Variants in GTF2F1 observed in about 807,000 individuals in gnomAD.
The protein encoded by GTF2F1 is general transcription factor IIF subunit 1.
Under a neutral mutation model 63.5 loss-of-function variants are expected in GTF2F1, and 39 were observed. That is an observed-to-expected ratio of 0.61 (90% confidence interval 0.48 to 0.80). The LOEUF (loss-of-function observed/expected upper bound fraction) is 0.80, where lower values mean the gene tolerates loss of function less well. Ranked by LOEUF, GTF2F1 falls within the 30% of genes least tolerant of loss-of-function variation. The pLI, the probability that GTF2F1 is intolerant of heterozygous loss-of-function variation, is 0.00. For missense variants in GTF2F1, 657 were observed against 718.3 expected, an observed-to-expected ratio of 0.91 and a Z score of 0.97; for synonymous variants, 287 against 285.3, an observed-to-expected ratio of 1.01 and a Z score of -0.06.
chr19:6,380,507 A>C lies in GTF2F1; in HGVS notation c.1350-22T>G. Reference sequence around the variant, plus strand: ...GTCGCTGAGGATGGGAGGACGGGGAAGGTGGCATCAGTGAGATTGTCCCCA... The same window carrying C: ...GTCGCTGAGGATGGGAGGACGGGGACGGTGGCATCAGTGAGATTGTCCCCA... On this transcript the variant is annotated intron_variant, in intron 12 of 12. Transcript: ENST00000394456. This position sits in a 1 kb window ranked among gnomAD's most constrained non-coding sequence, Gnocchi z 5.3. 6.2e-7 allele frequency: 1 copy of C among 1,613,274 alleles called. No homozygotes were observed. The highest frequency in any genetic ancestry group is 8.5e-7 in the Non-Finnish European group (1 of 1,179,204).
intron 5 of GTF2F1, among the ~76,000 whole-genome samples, chr19:6,386,344 C>T (rs1164654842): frequency 4.0e-5 from 6 of 151,658 alleles, no homozygotes; most frequent in Middle Eastern, 3.4e-3. Context: ...GCTGAGATTG[C>T]GCCACTGCAG....
At chr19:6,386,031 G>C (rs766892539) in intron 5 of GTF2F1, among the ~76,000 whole-genome samples, 7 of 151,968 alleles carry the variant, frequency 4.6e-5, no homozygotes, top group Admixed American at 3.3e-4. Flanking sequence ...AGCTGAGATC[G>C]CGCCACTGCA....
rs1451214535 is a variant in GTF2F1, at chr19:6,381,645, G to A, written c.837-30C>T. On this transcript the variant is annotated intron_variant, in intron 7 of 12. Transcript: ENST00000394456. The surrounding 1 kb of genome is among the most constrained non-coding windows in gnomAD (Gnocchi z 4.1). ...AAGACGGGGATGGCAAAGGATGAGCGCGCGCTCGCGAGGCTGCATGGGGTC... is the reference window on the plus strand; with the variant it reads ...AAGACGGGGATGGCAAAGGATGAGCACGCGCTCGCGAGGCTGCATGGGGTC... 2.6e-5 allele frequency: 42 copies of A among 1,613,844 alleles called. No homozygotes were observed. The highest frequency in any genetic ancestry group is 4.0e-5 in the African/African-American group (3 of 74,938).
Position 6,387,435 on chromosome 19 carries a change from G to C in GTF2F1, c.451C>G (p.Arg151Gly), listed in dbSNP as rs1209004307. Residue 151 changes from arginine (R) to glycine (G), a missense_variant, in exon 5 of 13, where the codon CGG becomes GGG. By Grantham distance (125) the Arg-to-Gly change is moderately radical. Coordinates refer to ENST00000394456, the MANE Select transcript of GTF2F1 (RefSeq NM_002096.3). ...TCCTCGGCAGTGAGCGTGCGATGCC[G>C]GGCCAGCGGTGTGAAATTGTACCAG... ...HNWYNFTPLA[R>G]HRTLTAEEAE... 2 of 1,614,248 alleles carry C rather than the reference G, an allele frequency of 1.2e-6. No individual in the cohort carries two copies. Among genetic ancestry groups the C allele is most frequent in the African/African-American group, 1.3e-5 (1 of 75,068 alleles).
rs1599211426 is a variant in GTF2F1, at chr19:6,383,606, C to A, written c.498-111G>T. The A allele has an allele frequency of 9.7e-6, 11 of 1,132,496 alleles. 2 individuals carry two copies. Among genetic ancestry groups the A allele is most frequent in the Non-Finnish European group, 1.3e-6 (1 of 789,000 alleles). The allele number at this position is 1,132,496 out of a possible 1,614,324, so 70.2% of individuals were successfully genotyped here. A position where few individuals can be genotyped will look rare whatever the true frequency, so the allele number is the denominator to read the frequency against. On this transcript the variant is annotated intron_variant, in intron 5 of 12. Coordinates refer to ENST00000394456, the MANE Select transcript of GTF2F1 (RefSeq NM_002096.3). The surrounding 1 kb of genome is among the most constrained non-coding windows in gnomAD (Gnocchi z 4.5). ...CCACATAGCCTTCAAGGTGATGTGG[C>A]CCCCGGGGACTTGGGCTGTGGCACA...
chr19:6,381,819 CGCCTTCTTCTTG>C lies in GTF2F1; in HGVS notation c.702_713del (p.Lys235_Ala238del). The C allele has an allele frequency of 6.2e-7, 1 of 1,613,516 alleles. No homozygotes were observed. Among genetic ancestry groups the C allele is most frequent in the Non-Finnish European group, 8.5e-7 (1 of 1,179,972 alleles). On this transcript the variant is annotated inframe_deletion, in exon 7 of 13. Coordinates refer to ENST00000394456, the MANE Select transcript of GTF2F1 (RefSeq NM_002096.3). This position sits in a 1 kb window ranked among gnomAD's most constrained non-coding sequence, Gnocchi z 4.1. ...TTTTCCTGCCGCCCTTGGCCAGCGG[CGCCTTCTTCTTG>C]GCCTTGGGGACTCTGCCCCCTGGGA...
At position 6,384,369 on chromosome 19, in the gene GTF2F1, G is replaced by A. The variant is rs7255128; in HGVS notation, c.498-874C>T. Among the ~76,000 whole-genome samples, 1,203 of 151,972 alleles carry A rather than the reference G, an allele frequency of 7.9e-3. 17 individuals are homozygous for A. Among genetic ancestry groups the A allele is most frequent in the African/African-American group, 0.027 (1,136 of 41,448 alleles). On this transcript the variant is annotated intron_variant, in intron 5 of 12. Transcript: ENST00000394456. Reference sequence around the variant, plus strand: ...CAAAAAATTAAAAAATTAGCCGGGCGTGGTGGCATGTGCCTGTAGTCCTGA... The same window carrying A: ...CAAAAAATTAAAAAATTAGCCGGGCATGGTGGCATGTGCCTGTAGTCCTGA...
chr19:6,380,084 G>A lies in GTF2F1; in HGVS notation c.*197C>T, dbSNP rs2091940478. 3.2e-6 allele frequency: 2 copies of A among 623,722 alleles called. No homozygotes were observed. Among genetic ancestry groups the A allele is most frequent in the Non-Finnish European group, 5.7e-6 (2 of 349,080 alleles). 38.6% of individuals were successfully genotyped at this position (623,722 alleles called of 1,614,324 possible). On this transcript the variant is annotated 3_prime_UTR_variant, in exon 13 of 13. Transcript: ENST00000394456. The surrounding 1 kb of genome is among the most constrained non-coding windows in gnomAD (Gnocchi z 5.3). ...ATTCCAGAAGGAAGGGCCAGAGGAG[G>A]AGATGGCTTAACTTTTCCAGAATTG...
chr19:6,381,066 T>G lies in GTF2F1; in HGVS notation c.1093-24A>C. ...TTCTGCAGAGGTCAGGGTTGGGAGG[T>G]GGGTGAGTCTGCAAACAGACGCCCA... On this transcript the variant is annotated intron_variant, in intron 10 of 12. Coordinates refer to ENST00000394456, the MANE Select transcript of GTF2F1 (RefSeq NM_002096.3). This position sits in a 1 kb window ranked among gnomAD's most constrained non-coding sequence, Gnocchi z 4.1. The G allele has an allele frequency of 6.2e-7, 1 of 1,609,640 alleles. No homozygotes were observed. The highest frequency in any genetic ancestry group is 8.5e-7 in the Non-Finnish European group (1 of 1,178,112).
Position 6,381,235 on chromosome 19 carries a change from C to G in GTF2F1, c.1019-40G>C. The G allele has an allele frequency of 6.3e-7, 1 of 1,579,144 alleles. No homozygotes were observed. The highest frequency in any genetic ancestry group is 8.6e-7 in the Non-Finnish European group (1 of 1,163,586). On this transcript the variant is annotated intron_variant, in intron 9 of 12. Coordinates refer to ENST00000394456, the MANE Select transcript of GTF2F1 (RefSeq NM_002096.3). This position sits in a 1 kb window ranked among gnomAD's most constrained non-coding sequence, Gnocchi z 4.1. ...AAAGGGGTCAGGGCCAGAGCAACCC[C>G]GGGACCCGGTGCCCACTGGTGCCTC...
intron 5 of GTF2F1, among the ~76,000 whole-genome samples, chr19:6,384,170 C>A (rs1303073218): frequency 6.6e-6 from 1 of 151,350 alleles, no homozygotes; most frequent in Non-Finnish European, 1.5e-5. Context: ...TCCATTGGAA[C>A]AATGTAACGT....
At chr19:6,385,744 C>G (rs1055358257) in intron 5 of GTF2F1, among the ~76,000 whole-genome samples, 6 of 152,124 alleles carry the variant, frequency 3.9e-5, no homozygotes, top group Non-Finnish European at 5.9e-5. Context: ...TGGAGCTGAG[C>G]CAACCTATGA....
intron 4 of GTF2F1, among the ~76,000 whole-genome samples, chr19:6,389,190 C>T (rs1191000787): frequency 1.3e-5 from 2 of 151,944 alleles, no homozygotes; most frequent in African/African-American, 2.4e-5. Flanking sequence ...GAGCCAAGAT[C>T]GTGCTACTGC....
At position 6,381,944 on chromosome 19, in the gene GTF2F1, C is replaced by A; in HGVS notation, c.683-94G>T. On this transcript the variant is annotated intron_variant, in intron 6 of 12. Transcript: ENST00000394456. This position sits in a 1 kb window ranked among gnomAD's most constrained non-coding sequence, Gnocchi z 4.1. ...TTCACATTTTGTGCAGTTTTGACAT[C>A]CTGGGGGGCCTCACTGACTGGGGAG... The A allele has an allele frequency of 9.5e-7, 1 of 1,050,072 alleles. No homozygotes were observed. The highest frequency in any genetic ancestry group is 1.4e-6 in the Non-Finnish European group (1 of 719,680). The allele number at this position is 1,050,072 out of a possible 1,614,324, so 65.0% of individuals were successfully genotyped here. A position where few individuals can be genotyped will look rare whatever the true frequency, so the allele number is the denominator to read the frequency against.
At position 6,380,859 on chromosome 19, in the gene GTF2F1, G is replaced by T. The variant is rs2091944584; in HGVS notation, c.1231+45C>A. ...CCTGAGCCCCAACAGAGGTCAGGAG[G>T]CTGTGGCTGTGGCTGTGGGGAGCGG... On this transcript the variant is annotated intron_variant, in intron 11 of 12. Transcript: ENST00000394456. The surrounding 1 kb of genome is among the most constrained non-coding windows in gnomAD (Gnocchi z 5.3). The T allele has an allele frequency of 1.3e-6, 2 of 1,517,832 alleles. No individual in the cohort carries two copies. The highest frequency in any genetic ancestry group is 2.0e-5 in the Admixed American group (1 of 49,434). The allele number at this position is 1,517,832 out of a possible 1,614,324, so 94.0% of individuals were successfully genotyped here.
chr19:6,392,964 C>T lies in GTF2F1; in HGVS notation c.12+20G>A. The T allele has an allele frequency of 6.2e-7, 1 of 1,614,166 alleles. No homozygotes were observed. Among genetic ancestry groups the T allele is most frequent in the South Asian group, 1.1e-5 (1 of 91,086 alleles). Reference sequence around the variant, plus strand: ...GAGGTCGCCGTCGGAACCCCCGAACCCCGCCAAATCCACACTCACTAGGGC... The same window carrying T: ...GAGGTCGCCGTCGGAACCCCCGAACTCCGCCAAATCCACACTCACTAGGGC... On this transcript the variant is annotated intron_variant, in intron 1 of 12. Coordinates refer to ENST00000394456, the MANE Select transcript of GTF2F1 (RefSeq NM_002096.3).
Position 6,384,369 on chromosome 19 carries a change from G to C in GTF2F1, c.498-874C>G, listed in dbSNP as rs7255128. On this transcript the variant is annotated intron_variant, in intron 5 of 12. Coordinates refer to ENST00000394456, the MANE Select transcript of GTF2F1 (RefSeq NM_002096.3). ...CAAAAAATTAAAAAATTAGCCGGGCGTGGTGGCATGTGCCTGTAGTCCTGA... is the reference window on the plus strand; with the variant it reads ...CAAAAAATTAAAAAATTAGCCGGGCCTGGTGGCATGTGCCTGTAGTCCTGA... Among the ~76,000 whole-genome samples, 5 of 151,858 alleles carry C rather than the reference G, an allele frequency of 3.3e-5. No homozygotes were observed. In the South Asian group the frequency reaches 1.0e-3, roughly 32 times the overall value.
chr19:6,393,087 T>C lies in GTF2F1; in HGVS notation c.-92A>G. The C allele has an allele frequency of 6.5e-7, 1 of 1,544,254 alleles. No individual in the cohort carries two copies. The highest frequency in any genetic ancestry group is 8.9e-7 in the Non-Finnish European group (1 of 1,120,092). ...CCCTCGATCCCGGGGAAGCCGCCGC[T>C]CGGTGTCGGGTCTCTGTGCCTGAGC... is the stretch of plus-strand genomic sequence containing the variant. On this transcript the variant is annotated 5_prime_UTR_variant, in exon 1 of 13. Coordinates refer to ENST00000394456, the MANE Select transcript of GTF2F1 (RefSeq NM_002096.3).
intron 3 of GTF2F1, among the ~76,000 whole-genome samples, chr19:6,391,439 GTTTTTTTTTTTTTT>G (rs11340944): frequency 6.9e-5 from 6 of 87,456 alleles, no homozygotes; most frequent in Admixed American, 3.0e-4. Context: ...TGCCATTTCC[GTTTTTTTTTTTTTT>G]TTTTTTTTTT....
Sources: gnomAD v4.1 joint callset for allele counts (sites outside exome capture counted in the v4.1 genomes callset) on GRCh38, gnomAD v4.1.1 for gene constraint, Gnocchi (gnomAD v3.1) non-coding constraint, MANE v1.5 for transcripts, NCBI Gene and HGNC (gene_info 2026-07-23, HGNC 2026-07-21) for gene names.